The following RCAN2 variants were observed in gnomAD, a reference collection of about 807,000 sequenced individuals.
The protein encoded by RCAN2 is calcipressin-2.
Under a neutral mutation model 23.6 loss-of-function variants are expected in RCAN2, and 9 were observed. That is an observed-to-expected ratio of 0.38 (90% confidence interval 0.23 to 0.67). The LOEUF is 0.67. Ranked by LOEUF, RCAN2 falls within the 30% of genes least tolerant of loss-of-function variation. The probability of loss-of-function intolerance (pLI) is 0.51; values close to 1 mark genes in which losing one functional copy is unlikely to be tolerated. For missense variants in RCAN2, 273 were observed against 302.3 expected, an observed-to-expected ratio of 0.90 and a Z score of 0.72; for synonymous variants, 109 against 115.7, an observed-to-expected ratio of 0.94 and a Z score of 0.37.
intron 1 of RCAN2, among the ~76,000 whole-genome samples, chr6:46,466,045 G>T (rs1420269269): frequency 6.6e-6 from 1 of 152,162 alleles, no homozygotes; most frequent in Non-Finnish European, 1.5e-5. Context: ...AGTAGAGAAT[G>T]CCTGCACCAC....
intron 2 of RCAN2, among the ~76,000 whole-genome samples, chr6:46,259,156 A>G (rs1031092033): frequency 1.3e-5 from 2 of 152,206 alleles, no homozygotes; most frequent in African/African-American, 2.4e-5. Context: ...ACTGCACTCC[A>G]GCCTGGGTGA....
At chr6:46,261,686 G>C (rs1767113869) in intron 2 of RCAN2, among the ~76,000 whole-genome samples, 1 of 152,052 alleles carries the variant, frequency 6.6e-6, no homozygotes, top group South Asian at 2.1e-4. Context: ...ACCAATTATA[G>C]GAATGTCAGC....
Position 46,249,911 on chromosome 6 carries a change from GA to G in RCAN2, c.226-1016del, listed in dbSNP as rs148593086. On this transcript the variant is annotated intron_variant, in intron 2 of 4. Transcript: ENST00000371374. Reference sequence around the variant, plus strand: ...CTATAGCCAACTCTGCCATAGCAAGGAAAAAAAAAATCTCTATTGCATTAAA... The same window carrying G: ...CTATAGCCAACTCTGCCATAGCAAGGAAAAAAAAATCTCTATTGCATTAAA... Among the ~76,000 whole-genome samples, 256 of 148,902 alleles carry G rather than the reference GA, an allele frequency of 1.7e-3. 2 individuals carry two copies. Among genetic ancestry groups the G allele is most frequent in the East Asian group, 0.014 (73 of 5,104 alleles).
At chr6:46,320,682 G>A (rs1280755317) in intron 2 of RCAN2, among the ~76,000 whole-genome samples, 2 of 152,324 alleles carry the variant, frequency 1.3e-5, no homozygotes, top group East Asian at 3.9e-4. Flanking sequence ...GCAGAGGAGA[G>A]AAAGTAGGAT....
At chr6:46,439,995 T>G (rs1173924246) in intron 2 of RCAN2, among the ~76,000 whole-genome samples, 1 of 152,202 alleles carries the variant, frequency 6.6e-6, no homozygotes, top group Non-Finnish European at 1.5e-5. Flanking sequence ...ATTCTACAAC[T>G]TGACGGAACA....
chr6:46,274,634 C>T (rs547582372), intron 2 of RCAN2, among the ~76,000 whole-genome samples: 9 of 152,272 alleles, frequency 5.9e-5, no homozygotes, highest in African/African-American at 2.2e-4. Flanking sequence ...TGTGCCTCAC[C>T]ACCTGGAGAG....
At chr6:46,352,477 A>T (rs1034377839) in intron 2 of RCAN2, among the ~76,000 whole-genome samples, 4 of 152,166 alleles carry the variant, frequency 2.6e-5, no homozygotes, top group Non-Finnish European at 4.4e-5. Context: ...AATCAGAATC[A>T]GGAGGCTTCA....
chr6:46,248,151 T>G (rs946144664), intron 3 of RCAN2, among the ~76,000 whole-genome samples: 5 of 152,206 alleles, frequency 3.3e-5, no homozygotes, highest in Admixed American at 1.3e-4. Context: ...TGCTGTGAAC[T>G]TCATAAGCAT....
chr6:46,333,812 T>G (rs1386155101), intron 2 of RCAN2, among the ~76,000 whole-genome samples: 1 of 152,218 alleles, frequency 6.6e-6, no homozygotes, highest in East Asian at 1.9e-4. Context: ...CCTTCCAATC[T>G]TTTCTCCAGC....
At chr6:46,329,400 G>A (rs1471106566) in intron 2 of RCAN2, among the ~76,000 whole-genome samples, 1 of 152,014 alleles carries the variant, frequency 6.6e-6, no homozygotes, top group Non-Finnish European at 1.5e-5. Context: ...TTCTTTATGT[G>A]TCCACTGCTT....
intron 4 of RCAN2, among the ~76,000 whole-genome samples, chr6:46,233,597 C>A (rs1199021545): frequency 2.0e-5 from 3 of 152,148 alleles, no homozygotes; most frequent in African/African-American, 7.2e-5. Context: ...ATCTCAGACA[C>A]CCTTCCCCTT....
At chr6:46,363,442 T>C (rs1162447487) in intron 2 of RCAN2, among the ~76,000 whole-genome samples, 2 of 152,140 alleles carry the variant, frequency 1.3e-5, no homozygotes, top group Non-Finnish European at 2.9e-5. Flanking sequence ...GTATTTTTTT[T>C]CTTACAAAAA....
intron 2 of RCAN2, among the ~76,000 whole-genome samples, chr6:46,332,170 A>G (rs1394913614): frequency 6.6e-6 from 1 of 152,190 alleles, no homozygotes; most frequent in Non-Finnish European, 1.5e-5. Context: ...ATTATATAAA[A>G]TATTTCCATG....
At chr6:46,372,143 T>C (rs900813819) in intron 2 of RCAN2, among the ~76,000 whole-genome samples, 2 of 152,190 alleles carry the variant, frequency 1.3e-5, no homozygotes, top group Non-Finnish European at 2.9e-5. Flanking sequence ...CCAGATGGCA[T>C]GCTCATGGTG....
intron 1 of RCAN2, among the ~76,000 whole-genome samples, chr6:46,490,762 A>G (rs1162074691): frequency 9.6e-6 from 1 of 104,556 alleles, no homozygotes; most frequent in African/African-American, 3.6e-5. Flanking sequence ...CTCTGCATCC[A>G]GTTAGTCTCT....
At chr6:46,267,778 T>C (rs531051981) in intron 2 of RCAN2, among the ~76,000 whole-genome samples, 1 of 152,200 alleles carries the variant, frequency 6.6e-6, no homozygotes, top group Non-Finnish European at 1.5e-5. Flanking sequence ...GAGTCTTCTA[T>C]ACTTTAAATA....
intron 4 of RCAN2, among the ~76,000 whole-genome samples, chr6:46,236,557 G>T (rs542084049): frequency 4.7e-4 from 71 of 151,780 alleles, no homozygotes; most frequent in African/African-American, 1.4e-3. Context: ...CTGAAGTCAA[G>T]ACTTAACCTT....
chr6:46,336,125 T>C (rs557991721), intron 2 of RCAN2, among the ~76,000 whole-genome samples: 2 of 152,278 alleles, frequency 1.3e-5, no homozygotes, highest in African/African-American at 4.8e-5. Context: ...AGAATTACAG[T>C]GGTGATGTGA....
At chr6:46,370,889 G>T (rs1765303920) in intron 2 of RCAN2, among the ~76,000 whole-genome samples, 1 of 152,210 alleles carries the variant, frequency 6.6e-6, no homozygotes, top group Admixed American at 6.5e-5. Context: ...GTCACCTTCA[G>T]CATCACATTC....
Sources: gnomAD v4.1 joint callset for allele counts (sites outside exome capture counted in the v4.1 genomes callset) on GRCh38, gnomAD v4.1.1 for gene constraint, MANE v1.5 for transcripts, NCBI Gene and HGNC (gene_info 2026-07-23, HGNC 2026-07-21) for gene names.